Variants in DEPDC5 observed in about 807,000 individuals in gnomAD.
DEPDC5 encodes GATOR1 complex protein DEPDC5.
In DEPDC5, 73 loss-of-function variants were observed where a neutral mutation model predicts 217.3. That is an observed-to-expected ratio of 0.34 (90% CI 0.28 to 0.41). The LOEUF is 0.41. Ranked by LOEUF, DEPDC5 falls within the 10% of genes least tolerant of loss-of-function variation. The pLI is 1.00. For synonymous variants in DEPDC5, 733 were observed against 756.7 expected (o/e 0.97, Z 0.51); for missense variants, 1,675 against 2,070.1 (o/e 0.81, Z 3.70).
chr22:31,772,178 A>G (rs1194241753), intron 7 of DEPDC5, among the ~76,000 whole-genome samples: 5 of 152,126 alleles, frequency 3.3e-5, no homozygotes, highest in Non-Finnish European at 5.9e-5. Flanking sequence ...GCAGTGAGCT[A>G]TTATTGCATT....
At chr22:31,760,433 T>C (rs1601597420) in intron 3 of DEPDC5, among the ~76,000 whole-genome samples, 1 of 152,302 alleles carries the variant, frequency 6.6e-6, no homozygotes, top group Middle Eastern at 3.4e-3. Context: ...CTCGATCTCC[T>C]GACCTCGTGG....
chr22:31,786,273 G>T (rs995396924), intron 10 of DEPDC5, among the ~76,000 whole-genome samples: 8 of 148,916 alleles, frequency 5.4e-5, no homozygotes, highest in African/African-American at 2.0e-4. Flanking sequence ...AATAAATAAA[G>T]AGCTAAAATT....
chr22:31,888,118 T>G (rs1230492203), intron 38 of DEPDC5, among the ~76,000 whole-genome samples: 1 of 152,108 alleles, frequency 6.6e-6, no homozygotes, highest in Non-Finnish European at 1.5e-5. Flanking sequence ...ACTTTCTCAT[T>G]GCAGTCACCC....
In DEPDC5 at chr22:31,879,889, C is replaced by A. The variant is rs548640837; in HGVS notation, c.4033+137C>A. The stretch of plus-strand genomic sequence containing the variant: ...CCGTCACACAGGCCACTGTGTCTGT[C>A]GGCACTGTTGGCTCCGTTGCTGACT... On this transcript the variant is annotated intron_variant, in intron 38 of 42. Coordinates refer to ENST00000651528, the MANE Select transcript of DEPDC5 (RefSeq NM_001242896.3). 1.5e-5 allele frequency: 13 copies of A among 845,932 alleles called. No individual in the cohort carries two copies. In the African/African-American group the frequency reaches 2.2e-4, roughly 14 times the overall value. 52.4% of individuals were successfully genotyped at this position (845,932 alleles called of 1,614,324 possible).
At chr22:31,791,973 T>C in intron 10 of DEPDC5, 60 bp from the exon 11 acceptor site, 1 of 942,086 alleles carries the variant, frequency 1.1e-6, no homozygotes, top group Non-Finnish European at 1.7e-6. Context: ...GCATGCAGTC[T>C]GCTTCATAGT....
intron 22 of DEPDC5, among the ~76,000 whole-genome samples, chr22:31,820,606 T>C (rs2089600058): frequency 6.6e-6 from 1 of 152,098 alleles, no homozygotes; most frequent in Admixed American, 6.6e-5. Context: ...TCACACTACT[T>C]GTTTCTTTCT....
In DEPDC5 at chr22:31,758,373, C is replaced by G. The variant is rs574157669; in HGVS notation, c.59-173C>G. On this transcript the variant is annotated intron_variant, in intron 2 of 42. Coordinates refer to ENST00000651528, the MANE Select transcript of DEPDC5 (RefSeq NM_001242896.3). Reference sequence around the variant, plus strand: ...GCCATCCCACTCTGCTGCTGTGTAGCTTGGTGTTCCTGTGTGAATCCATTA... The same window carrying G: ...GCCATCCCACTCTGCTGCTGTGTAGGTTGGTGTTCCTGTGTGAATCCATTA... Among the ~76,000 whole-genome samples, 6 of 152,270 alleles carry G rather than the reference C, an allele frequency of 3.9e-5. No individual in the cohort carries two copies. The East Asian group carries it at 1.2e-3, about 29-fold the overall frequency.
intron 36 of DEPDC5, among the ~76,000 whole-genome samples, chr22:31,874,889 T>C (rs2092948292): frequency 1.3e-5 from 2 of 152,188 alleles, no homozygotes; most frequent in African/African-American, 4.8e-5. Flanking sequence ...GAGAGCAGGA[T>C]CACCTCTTAT....
In DEPDC5 at chr22:31,879,703, C is replaced by T. The variant is rs769335336; in HGVS notation, c.3984C>T (p.Ser1328=). 3 of 1,614,166 alleles carry T rather than the reference C, an allele frequency of 1.9e-6. No individual in the cohort carries two copies. The highest frequency in any genetic ancestry group is 2.5e-6 in the Non-Finnish European group (3 of 1,180,034). Residue 1328 remains serine (S), a synonymous_variant, in exon 38 of 43, where the codon AGC becomes AGT. Coordinates refer to ENST00000651528, the MANE Select transcript of DEPDC5 (RefSeq NM_001242896.3). ...CAGCCTCCTATGCAAGTAGGCACAG[C>T]TCCTTTAGCCGAAGTTTTGGAGGAC... ...SRPASYASRH[S]SFSRSFGGRS...
chr22:31,864,113 T>C (rs1278499975), intron 33 of DEPDC5, among the ~76,000 whole-genome samples: 1 of 64,696 alleles, frequency 1.5e-5, no homozygotes, highest in African/African-American at 1.3e-4. Context: ...GATGCTTTCT[T>C]TTTTTTTTTT....
At chr22:31,805,016 T>C in intron 17 of DEPDC5, 101 bp downstream of exon 17, 1 of 1,163,968 alleles carries the variant, frequency 8.6e-7, no homozygotes. Context: ...CACTAAACCT[T>C]TTGTTAAGAA....
chr22:31,756,728 C>G (rs1464979794), intron 2 of DEPDC5, among the ~76,000 whole-genome samples: 1 of 151,898 alleles, frequency 6.6e-6, no homozygotes. Context: ...CAGGACCAGC[C>G]TGGCCAACAT....
At chr22:31,754,726 G>A (rs2075172480) in intron 1 of DEPDC5, 136 bp from the exon 2 acceptor site, 5 of 612,568 alleles carry the variant, frequency 8.2e-6, no homozygotes, top group Non-Finnish European at 1.2e-5. Context: ...GTAACTGGAG[G>A]AGTGACTTCT....
intron 39 of DEPDC5, among the ~76,000 whole-genome samples, chr22:31,897,006 A>G (rs1198571256): frequency 6.6e-6 from 1 of 152,124 alleles, no homozygotes; most frequent in Non-Finnish European, 1.5e-5. Context: ...AGTCCCAGCT[A>G]CTTGGGAGTC....
rs531253840 is a variant in DEPDC5 at position 31,897,580 on chromosome 22, C to G, written c.4302C>G (p.Pro1434=). 9.0e-5 allele frequency: 146 copies of G among 1,614,150 alleles called. 3 individuals carry two copies. In the South Asian group the frequency reaches 1.5e-3, roughly 16 times the overall value. ...TGCCCAGTTACCTGTATGGCGACCC[C>G]CTTCGTGCCCAGCTCTTCATCCCAC... ...FALPSYLYGD[P]LRAQLFIPLN... The change falls in exon 40 of 43, where the codon CCC becomes CCG. Residue 1434 remains proline, a synonymous_variant. Transcript: ENST00000651528.
chr22:31,760,632 C>G (rs772602364), intron 3 of DEPDC5, 24 bp from the exon 4 acceptor site: 2 of 1,607,936 alleles, frequency 1.2e-6, no homozygotes, highest in African/African-American at 1.3e-5. Context: ...GGTATCCCAA[C>G]TCTCTTGTTG....
In DEPDC5 at chr22:31,857,495, A is replaced by T. The variant is rs761678944; in HGVS notation, c.3206A>T (p.Gln1069Leu). The change falls in exon 32 of 43, where the codon CAG becomes CTG. Residue 1069 changes from glutamine to leucine, a missense_variant. Gln to Leu is a moderately radical substitution (Grantham distance 113). Coordinates refer to ENST00000651528, the MANE Select transcript of DEPDC5 (RefSeq NM_001242896.3). The stretch of plus-strand genomic sequence containing the variant: ...GTGCATGGTGGGAAGAGCTCCGCCC[A>T]GTCAGCCGAGAGCAGCAGCGTTGCC... ...AAVHGGKSSAQSAESSSVAMT... is the reference protein window; with the variant it reads ...AAVHGGKSSALSAESSSVAMT... 1.2e-6 allele frequency: 2 copies of T among 1,612,580 alleles called. No homozygotes were observed. Among genetic ancestry groups the T allele is most frequent in the South Asian group, 1.1e-5 (1 of 90,508 alleles).
chr22:31,802,579 A>G (rs1337619126), intron 14 of DEPDC5, 125 bp from the exon 15 acceptor site: 3 of 1,111,264 alleles, frequency 2.7e-6, no homozygotes, highest in Admixed American at 5.8e-5. Flanking sequence ...ACATTTAACT[A>G]GAATGTGGCA....
intron 16 of DEPDC5, 73 bp downstream of exon 16, chr22:31,804,296 G>A (rs1407402281): frequency 6.9e-7 from 1 of 1,452,836 alleles, no homozygotes; most frequent in African/African-American, 1.4e-5. Flanking sequence ...TCCAGGCGCT[G>A]TGGCATGCAC....
Sources: gnomAD v4.1 joint callset for allele counts (sites outside exome capture counted in the v4.1 genomes callset) on GRCh38, gnomAD v4.1.1 for gene constraint, MANE v1.5 for transcripts, NCBI Gene and HGNC (gene_info 2026-07-23, HGNC 2026-07-21) for gene names.